PTGER3: variants seen among roughly 807,000 people sequenced by gnomAD.
The protein encoded by PTGER3 is prostaglandin E receptor 3, also known as prostaglandin E2 receptor EP3 subtype.
In PTGER3, 22 loss-of-function variants were observed where a neutral mutation model predicts 34.7. The observed-to-expected ratio is 0.63, with a 90% confidence interval of 0.45 to 0.91. The LOEUF (loss-of-function observed/expected upper bound fraction) is 0.91, where lower values mean the gene tolerates loss of function less well. PTGER3 is among the 40% of genes least tolerant of loss of function. The pLI is 0.00. For missense variants in PTGER3, 468 were observed against 519.4 expected, an observed-to-expected ratio of 0.90 and a Z score of 0.96; for synonymous variants, 241 against 230.1, an observed-to-expected ratio of 1.05 and a Z score of -0.43.
rs556993178 is a variant in PTGER3, at chr1:70,972,449, GCAAA to G, written c.1170-720_1170-717del. Among the ~76,000 whole-genome samples the G allele has an allele frequency of 7.3e-4, 111 of 151,734 alleles. 1 individual carries two copies. Among genetic ancestry groups the G allele is most frequent in the African/African-American group, 2.4e-3 (100 of 41,366 alleles). On this transcript the variant is annotated intron_variant, in intron 3 of 3. Transcript: ENST00000306666. ...TGAAATTTTAAATCTAATTATTTTC[GCAAA>G]CAGTCTGTCTACATGTATCTTTAAA...
At chr1:71,026,530 C>T (rs1399951549) in intron 1 of PTGER3, among the ~76,000 whole-genome samples, 3 of 152,090 alleles carry the variant, frequency 2.0e-5, no homozygotes, top group Non-Finnish European at 4.4e-5. Flanking sequence ...TAAGACACAA[C>T]TTGTATGCAA....
intron 4 of PTGER3, among the ~76,000 whole-genome samples, chr1:70,921,023 G>T (rs993965922): frequency 6.6e-6 from 1 of 152,126 alleles, no homozygotes; most frequent in Admixed American, 6.6e-5. Context: ...AATCCTTCAT[G>T]TCCTTTATAC....
At chr1:70,898,224 A>G (rs563161687) in intron 4 of PTGER3, among the ~76,000 whole-genome samples, 2 of 152,290 alleles carry the variant, frequency 1.3e-5, no homozygotes, top group East Asian at 3.9e-4. Flanking sequence ...AACCCAGGCC[A>G]ATTCTACTGA....
chr1:71,038,536 A>C (rs1246594704), intron 1 of PTGER3, among the ~76,000 whole-genome samples: 3 of 152,166 alleles, frequency 2.0e-5, no homozygotes, highest in Non-Finnish European at 4.4e-5. Context: ...TTCATTTTAG[A>C]TCGATGATCC....
intron 2 of PTGER3, among the ~76,000 whole-genome samples, chr1:70,976,319 C>G (rs1653695800): frequency 6.6e-6 from 1 of 151,990 alleles, no homozygotes; most frequent in Non-Finnish European, 1.5e-5. Context: ...CAAGAGTGAA[C>G]CCTAATGTAA....
intron 4 of PTGER3, among the ~76,000 whole-genome samples, chr1:70,900,537 A>G (rs1399407429): frequency 6.5e-5 from 9 of 137,456 alleles, no homozygotes; most frequent in Non-Finnish European, 1.6e-5. Context: ...ATTAATATAC[A>G]AATGATGAAT....
chr1:70,970,406 C>A (rs1652952832), downstream of PTGER3, among the ~76,000 whole-genome samples: 1 of 152,042 alleles, frequency 6.6e-6, no homozygotes, highest in Non-Finnish European at 1.5e-5. Context: ...CTAGTTAAGA[C>A]CATTTTAAAT....
chr1:70,945,022 T>C (rs1650094932), intron 4 of PTGER3, among the ~76,000 whole-genome samples: 1 of 152,142 alleles, frequency 6.6e-6, no homozygotes, highest in African/African-American at 2.4e-5. Context: ...TTGTTTCTAC[T>C]GTAATCTGTT....
At chr1:70,878,679 T>C (rs1228085713) in intron 4 of PTGER3, among the ~76,000 whole-genome samples, 1 of 152,172 alleles carries the variant, frequency 6.6e-6, no homozygotes, top group Non-Finnish European at 1.5e-5. Flanking sequence ...TCTTTTTTCT[T>C]ATTACTTTAA....
chr1:71,012,656 C>T (rs568474630), intron 1 of PTGER3, among the ~76,000 whole-genome samples, 172 bp from the exon 2 acceptor site: 6 of 152,144 alleles, frequency 3.9e-5, no homozygotes, highest in Non-Finnish European at 8.8e-5. Flanking sequence ...ACAAGACATT[C>T]CTAGGTATTT....
rs548858255 is a variant in PTGER3, at chr1:70,892,692, T to C, written c.*24-39833A>G. ...CCCGTCTCTACTAAAAATACAAAAA[T>C]TAGCTGGGTGTGGTGGGCCATGCCT... On this transcript the variant is annotated intron_variant, in intron 4 of 4. Transcript: ENST00000370931. Among the ~76,000 whole-genome samples the C allele has an allele frequency of 3.1e-4, 47 of 151,844 alleles. 1 individual carries two copies. In the South Asian group the frequency reaches 9.8e-3, roughly 32 times the overall value.
At chr1:71,004,895 C>T (rs766674349) in intron 2 of PTGER3, among the ~76,000 whole-genome samples, 9 of 152,204 alleles carry the variant, frequency 5.9e-5, no homozygotes, top group Non-Finnish European at 1.0e-4. Context: ...GTACCTGCTG[C>T]TTCAGGAAAT....
chr1:70,909,285 T>C (rs1441289327), intron 4 of PTGER3, among the ~76,000 whole-genome samples: 2 of 152,228 alleles, frequency 1.3e-5, no homozygotes, highest in Non-Finnish European at 2.9e-5. Flanking sequence ...TTTATTTCTG[T>C]GCGTGTTAAC....
At chr1:70,905,634 T>C (rs1356942246) in intron 4 of PTGER3, among the ~76,000 whole-genome samples, 3 of 152,106 alleles carry the variant, frequency 2.0e-5, no homozygotes, top group Non-Finnish European at 4.4e-5. Flanking sequence ...GGCCAATTTG[T>C]TTCATTGGGA....
chr1:70,885,633 A>G (rs1646482120), intron 4 of PTGER3, among the ~76,000 whole-genome samples: 2 of 152,180 alleles, frequency 1.3e-5, no homozygotes, highest in Admixed American at 6.5e-5. Flanking sequence ...AGCAAGGATG[A>G]ATTTAGAAAC....
chr1:70,961,179 T>A lies in PTGER3; in HGVS notation c.1078-7390A>T, dbSNP rs144444828. On this transcript the variant is annotated intron_variant, in intron 2 of 3. Coordinates refer to the PTGER3 transcript ENST00000356595. ...AAAAAATGCAAAATCCTCGGCCCCA[T>A]GCCAGACTTTCTGACTCAACCTCCA... Among the ~76,000 whole-genome samples the A allele has an allele frequency of 5.9e-4, 90 of 152,350 alleles. 1 individual carries two copies. The highest frequency in any genetic ancestry group is 2.0e-3 in the African/African-American group (83 of 41,574).
At chr1:70,858,201 CTTTTTTT>C (rs35355255) in intron 4 of PTGER3, among the ~76,000 whole-genome samples, 3 of 134,150 alleles carry the variant, frequency 2.2e-5, no homozygotes, top group Non-Finnish European at 4.8e-5. Flanking sequence ...AACACAGATT[CTTTTTTT>C]TTTTTTTTTT....
At chr1:71,023,927 A>G (rs886864827) in intron 1 of PTGER3, among the ~76,000 whole-genome samples, 1 of 151,850 alleles carries the variant, frequency 6.6e-6, no homozygotes, top group Admixed American at 6.5e-5. Flanking sequence ...CATCAATGAC[A>G]TGATTTGTTG....
chr1:70,869,149 T>C, intron 4 of PTGER3: 1 of 372,868 alleles, frequency 2.7e-6, no homozygotes, highest in South Asian at 2.1e-5. Context: ...AGGCACTTCA[T>C]ATGGCAAAAG....
Sources: allele counts gnomAD v4.1 joint callset (sites outside exome capture counted in the v4.1 genomes callset), GRCh38; gene constraint gnomAD v4.1.1; transcripts MANE v1.5; gene names NCBI Gene and HGNC (gene_info 2026-07-23, HGNC 2026-07-21).